The following SV2C variants were observed in gnomAD, a reference collection of about 807,000 sequenced individuals.
The protein encoded by SV2C is synaptic vesicle glycoprotein 2C, also known as solute carrier family 22 member B3.
Under a neutral mutation model 79.7 loss-of-function variants are expected in SV2C, and 49 were observed. That is an observed-to-expected ratio of 0.61 (90% CI 0.49 to 0.78). SV2C has a LOEUF of 0.78. Ranked by LOEUF, SV2C falls within the 30% of genes least tolerant of loss-of-function variation. SV2C has a pLI of 0.00. For missense variants in SV2C, 833 were observed against 912.9 expected (o/e 0.91, Z 1.13); for synonymous variants, 334 against 333.2 (o/e 1.00, Z -0.03).
the SV2C span, among the ~76,000 whole-genome samples, chr5:76,066,807 A>G: frequency 6.6e-6 from 1 of 151,692 alleles, no homozygotes; most frequent in Non-Finnish European, 1.5e-5. Context: ...AAAAAAAAAA[A>G]AAAAAAAAAG....
chr5:76,159,399 A>G (rs756963776), intron 2 of SV2C, among the ~76,000 whole-genome samples: 2 of 152,076 alleles, frequency 1.3e-5, no homozygotes, highest in Non-Finnish European at 2.9e-5. Flanking sequence ...CCACTAAAAA[A>G]CCATTAAAAC....
At chr5:75,882,002 C>G in the SV2C span, among the ~76,000 whole-genome samples, 1 of 149,694 alleles carries the variant, frequency 6.7e-6, no homozygotes, top group East Asian at 1.9e-4. Flanking sequence ...GAGTTTTTAG[C>G]ATGAAGTGTT....
chr5:76,130,307 G>C (rs184359758), intron 1 of SV2C, among the ~76,000 whole-genome samples: 46 of 152,102 alleles, frequency 3.0e-4, no homozygotes, highest in African/African-American at 1.1e-3. Context: ...CCATACTCCT[G>C]TTTTGCCTAC....
chr5:76,031,335 G>A, the SV2C span, among the ~76,000 whole-genome samples: 2 of 152,340 alleles, frequency 1.3e-5, no homozygotes, highest in East Asian at 1.9e-4. Flanking sequence ...CCCAGACCCT[G>A]CCAATAATGG....
the SV2C span, among the ~76,000 whole-genome samples, chr5:75,952,970 C>G: frequency 1.3e-5 from 2 of 151,926 alleles, no homozygotes; most frequent in Non-Finnish European, 2.9e-5. Flanking sequence ...CCTTGTATAT[C>G]ACTATCTTAG....
intron 2 of SV2C, among the ~76,000 whole-genome samples, chr5:76,176,407 C>T (rs1467326961): frequency 1.3e-5 from 2 of 152,148 alleles, no homozygotes; most frequent in Non-Finnish European, 2.9e-5. Context: ...TGTCCTTGTG[C>T]TCTTTCCTCT....
At chr5:76,078,577 G>A (rs114857388), upstream of SV2C, 480 of 337,894 alleles carry the variant, frequency 1.4e-3, 1 homozygote, top group African/African-American at 9.6e-3. Flanking sequence ...TGACTCCCGC[G>A]GGCCACAGCC....
chr5:76,285,626 G>A (rs1747329406), intron 5 of SV2C, 155 bp from the exon 6 acceptor site: 1 of 641,902 alleles, frequency 1.6e-6, no homozygotes, highest in South Asian at 2.0e-5. Context: ...TGTATTCAGT[G>A]ATATCCAAAT....
At chr5:76,031,604 A>G in the SV2C span, among the ~76,000 whole-genome samples, 2 of 152,148 alleles carry the variant, frequency 1.3e-5, no homozygotes, top group African/African-American at 4.8e-5. Flanking sequence ...CCCTCTATTG[A>G]TCAAATAGCA....
intron 12 of SV2C, among the ~76,000 whole-genome samples, chr5:76,309,301 CTT>C (rs1261688118): frequency 1.1e-4 from 16 of 151,980 alleles, no homozygotes; most frequent in African/African-American, 3.9e-4. Flanking sequence ...GGTTAAGACA[CTT>C]AAGTTGTAGG....
At chr5:76,076,297 G>T in the SV2C span, among the ~76,000 whole-genome samples, 1 of 152,352 alleles carries the variant, frequency 6.6e-6, no homozygotes, top group African/African-American at 2.4e-5. Context: ...TTGGATAGAA[G>T]ATTGATCTGG....
the SV2C span, among the ~76,000 whole-genome samples, chr5:75,968,867 T>C: frequency 6.6e-6 from 1 of 151,916 alleles, no homozygotes; most frequent in African/African-American, 2.4e-5. Flanking sequence ...TCAAGACACA[T>C]AATTGTCAGA....
intron 1 of SV2C, among the ~76,000 whole-genome samples, chr5:76,091,381 G>A (rs1747370766): frequency 6.6e-6 from 1 of 152,206 alleles, no homozygotes; most frequent in African/African-American, 2.4e-5. Context: ...AGTCCTTGAA[G>A]ATTGCTTCTG....
At chr5:76,070,637 T>A in the SV2C span, among the ~76,000 whole-genome samples, 3 of 152,166 alleles carry the variant, frequency 2.0e-5, no homozygotes, top group Non-Finnish European at 2.9e-5. Flanking sequence ...GCCATAAAAA[T>A]GATATGGTAC....
At chr5:76,174,871 T>C (rs191944754) in intron 2 of SV2C, among the ~76,000 whole-genome samples, 160 of 152,352 alleles carry the variant, frequency 1.1e-3, no homozygotes, top group African/African-American at 3.3e-3. Context: ...CTTTGGCTCC[T>C]GCTTCATGCC....
chr5:76,266,789 T>TAA (rs60469297), intron 4 of SV2C, among the ~76,000 whole-genome samples: 1 of 146,038 alleles, frequency 6.8e-6, no homozygotes, highest in African/African-American at 2.5e-5. Flanking sequence ...AATTATACAG[T>TAA]AAAAAAAAAA....
At chr5:76,070,478 A>G in the SV2C span, among the ~76,000 whole-genome samples, 6 of 152,198 alleles carry the variant, frequency 3.9e-5, no homozygotes, top group African/African-American at 1.4e-4. Flanking sequence ...AAATCTGGAC[A>G]TGCTTTGTAA....
the SV2C span, among the ~76,000 whole-genome samples, chr5:76,066,942 G>T: frequency 1.3e-5 from 2 of 152,078 alleles, no homozygotes; most frequent in South Asian, 2.1e-4. Context: ...GAGTTTAAAA[G>T]CTCACTTTGC....
the SV2C span, among the ~76,000 whole-genome samples, chr5:76,050,095 T>A: frequency 6.6e-6 from 1 of 152,226 alleles, no homozygotes; most frequent in East Asian, 1.9e-4. Flanking sequence ...CTGAGAGGAA[T>A]AATCACCTAA....
Sources: gnomAD v4.1 joint callset for allele counts (sites outside exome capture counted in the v4.1 genomes callset) on GRCh38, gnomAD v4.1.1 for gene constraint, MANE v1.5 for transcripts, NCBI Gene and HGNC (gene_info 2026-07-23, HGNC 2026-07-21) for gene names.